TAX1BP1: variants seen among roughly 807,000 people sequenced by gnomAD.
The protein encoded by TAX1BP1 is Tax1 binding protein 1.
TAX1BP1 carries 62 observed loss-of-function variants against 97.7 expected under a neutral mutation model. The observed-to-expected ratio is 0.63, with a 90% CI of 0.52 to 0.78. TAX1BP1 has a LOEUF of 0.78. Among genes scored for constraint, TAX1BP1 ranks in the 30% least tolerant of loss-of-function variants. The probability of loss-of-function intolerance (pLI) is 0.00; values close to 1 mark genes in which losing one functional copy is unlikely to be tolerated. For synonymous variants in TAX1BP1, 340 were observed against 304.2 expected (o/e 1.12, Z -1.23); for missense variants, 867 against 916.1 (o/e 0.95, Z 0.69).
chr7:27,817,484 C>T (rs10267854), intron 15 of TAX1BP1, among the ~76,000 whole-genome samples: 120,252 of 152,114 alleles, frequency 0.79, 48,492 homozygotes, highest in African/African-American at 0.95. Context: ...GTGGACTCTT[C>T]ATTATCTTCA....
At chr7:27,827,671 G>A (rs890140631) in intron 15 of TAX1BP1, 67 bp from the exon 16 acceptor site, 1 of 1,335,844 alleles carries the variant, frequency 7.5e-7, no homozygotes, top group African/African-American at 1.5e-5. Context: ...GTATGTGCTT[G>A]ATTGAATTAA....
chr7:27,751,531 ATACTT>A (rs1439455389), intron 2 of TAX1BP1, among the ~76,000 whole-genome samples: 1 of 152,190 alleles, frequency 6.6e-6, no homozygotes, highest in Non-Finnish European at 1.5e-5. Flanking sequence ...CTTATCATTA[ATACTT>A]AATAAAGATC....
At chr7:27,770,580 A>AGG (rs1274569211) in intron 5 of TAX1BP1, among the ~76,000 whole-genome samples, 2 of 152,030 alleles carry the variant, frequency 1.3e-5, no homozygotes, top group African/African-American at 2.4e-5. Context: ...TTGTTTCCTG[A>AGG]GGGTGGGGTC....
At chr7:27,758,182 C>T (rs111803644) in intron 3 of TAX1BP1, 49 bp downstream of exon 3, 8 of 1,397,528 alleles carry the variant, frequency 5.7e-6, no homozygotes, top group African/African-American at 4.3e-5. Flanking sequence ...GTCTTATTGC[C>T]ATTAAAGATG....
intron 2 of TAX1BP1, among the ~76,000 whole-genome samples, chr7:27,756,326 A>G (rs1788213478): frequency 6.6e-6 from 1 of 152,142 alleles, no homozygotes; most frequent in South Asian, 2.1e-4. Flanking sequence ...GCCCCTCTCT[A>G]AGTAACTTAA....
At position 27,828,861 on chromosome 7, in the gene TAX1BP1, C is replaced by T; in HGVS notation, c.*32C>T. 4.5e-6 allele frequency: 5 copies of T among 1,100,386 alleles called. No homozygotes were observed. Among genetic ancestry groups the T allele is most frequent in the Non-Finnish European group, 6.3e-6 (5 of 793,772 alleles). The allele number at this position is 1,100,386 out of a possible 1,614,324, so 68.2% of individuals were successfully genotyped here. On this transcript the variant is annotated 3_prime_UTR_variant, in exon 17 of 17. Coordinates refer to ENST00000396319, the MANE Select transcript of TAX1BP1 (RefSeq NM_006024.7). ...TTTATTATGAGTTAATATAGTTTAG[C>T]AGTAAAAAAAAAAAAAAAAACCACA...
chr7:27,805,776 C>T (rs1790313408), intron 13 of TAX1BP1, among the ~76,000 whole-genome samples: 1 of 152,072 alleles, frequency 6.6e-6, no homozygotes, highest in Non-Finnish European at 1.5e-5. Flanking sequence ...GCAGAGGCTG[C>T]AGTGAGCCGA....
At chr7:27,801,777 G>A (rs1790147773) in intron 13 of TAX1BP1, among the ~76,000 whole-genome samples, 1 of 152,140 alleles carries the variant, frequency 6.6e-6, no homozygotes, top group Non-Finnish European at 1.5e-5. Context: ...TTACGTAGTT[G>A]GTAAATGTGT....
intron 8 of TAX1BP1, among the ~76,000 whole-genome samples, chr7:27,789,008 C>T (rs4722742): frequency 0.49 from 73,778 of 151,674 alleles, 17,980 homozygotes; most frequent in African/African-American, 0.5. Flanking sequence ...TCTCTCTTCT[C>T]GCAATGTGAG....
intron 2 of TAX1BP1, among the ~76,000 whole-genome samples, chr7:27,751,191 G>GA (rs990589085): frequency 9.3e-5 from 14 of 151,010 alleles, no homozygotes; most frequent in East Asian, 3.9e-4. Context: ...CAGCAAAAAA[G>GA]AAAAAAAAAT....
chr7:27,828,910 C>T lies in TAX1BP1; in HGVS notation c.*81C>T, dbSNP rs1212690255. 19 of 1,188,646 alleles carry T rather than the reference C, an allele frequency of 1.6e-5. No homozygotes were observed. The highest frequency in any genetic ancestry group is 2.1e-5 in the Non-Finnish European group (18 of 853,388). 73.6% of individuals were successfully genotyped at this position (1,188,646 alleles called of 1,614,324 possible). A position where few individuals can be genotyped will look rare whatever the true frequency, so the allele number is the denominator to read the frequency against. ...CACCTAAAATAGACCACTGAGGAGA[C>T]CATAGAGCGGATGCTTTCATGCACC... On this transcript the variant is annotated 3_prime_UTR_variant, in exon 17 of 17. Coordinates refer to ENST00000396319, the MANE Select transcript of TAX1BP1 (RefSeq NM_006024.7).
chr7:27,758,311 T>C (rs557467232), intron 3 of TAX1BP1, 178 bp downstream of exon 3: 216 of 405,210 alleles, frequency 5.3e-4, no homozygotes, highest in African/African-American at 4.2e-3. Context: ...CCACATGATA[T>C]TTTATGTAGA....
Position 27,822,360 on chromosome 7 carries a change from C to G in TAX1BP1, c.2085+5322C>G, listed in dbSNP as rs146349002. 1.8e-3 allele frequency among the ~76,000 whole-genome samples: 274 copies of G among 152,236 alleles called. 5 individuals are homozygous for G. The highest frequency in any genetic ancestry group is 6.3e-3 in the African/African-American group (261 of 41,530). On this transcript the variant is annotated intron_variant, in intron 15 of 16. Transcript: ENST00000396319. ...GGAAAGTGGAATTACTAGGTCAGTT[C>G]CACTAGCAACTGCTGTAGTGGAAAT...
intron 8 of TAX1BP1, among the ~76,000 whole-genome samples, chr7:27,791,483 A>G (rs1387707256): frequency 6.6e-6 from 1 of 152,024 alleles, no homozygotes; most frequent in Non-Finnish European, 1.5e-5. Flanking sequence ...TTTGTATATC[A>G]ATATTTTGTT....
In TAX1BP1 at chr7:27,796,096, T is replaced by C. The variant is rs1562728162; in HGVS notation, c.1535-20T>C. On this transcript the variant is annotated intron_variant, in intron 11 of 16. Coordinates refer to ENST00000396319, the MANE Select transcript of TAX1BP1 (RefSeq NM_006024.7). ...GGGGCAAAATACTTTTTAACAGTCT[T>C]ATATTCTGCCTTTCTACAGCAGAGG... 1.3e-5 allele frequency: 20 copies of C among 1,587,698 alleles called. No individual in the cohort carries two copies. Among genetic ancestry groups the C allele is most frequent in the Non-Finnish European group, 1.7e-5 (20 of 1,161,812 alleles).
Position 27,740,337 on chromosome 7 carries a change from G to A in TAX1BP1, c.-8+68G>A, listed in dbSNP as rs140811998. 3.5e-3 allele frequency: 537 copies of A among 152,848 alleles called. 7 individuals are homozygous for A. Among genetic ancestry groups the A allele is most frequent in the African/African-American group, 0.012 (508 of 41,550 alleles). The allele number at this position is 152,848 out of a possible 1,614,324, so 9.5% of individuals were successfully genotyped here. ...GGCCTCCAGCTGCATCTCTTTTAGG[G>A]CTCGTGCTACACCCTTCAGCCCCTG... On this transcript the variant is annotated intron_variant, in intron 1 of 16. Coordinates refer to ENST00000396319, the MANE Select transcript of TAX1BP1 (RefSeq NM_006024.7).
At chr7:27,760,961 C>T (rs1388597342) in intron 3 of TAX1BP1, among the ~76,000 whole-genome samples, 1 of 152,128 alleles carries the variant, frequency 6.6e-6, no homozygotes, top group Non-Finnish European at 1.5e-5. Flanking sequence ...ACAGGTGATT[C>T]TGTTATGTAG....
chr7:27,741,382 G>C (rs756453447), intron 1 of TAX1BP1, among the ~76,000 whole-genome samples: 23 of 152,188 alleles, frequency 1.5e-4, no homozygotes, highest in Non-Finnish European at 2.8e-4. Flanking sequence ...TTCCTTTCAA[G>C]GGTAAACTTG....
intron 9 of TAX1BP1, 149 bp from the exon 10 acceptor site, chr7:27,792,917 G>A (rs1789775103): frequency 3.1e-6 from 2 of 638,650 alleles, no homozygotes; most frequent in African/African-American, 3.9e-5. Flanking sequence ...AGCCATAATT[G>A]GGCCACTGTG....
Sources: gnomAD v4.1 joint callset for allele counts (sites outside exome capture counted in the v4.1 genomes callset) on GRCh38, gnomAD v4.1.1 for gene constraint, MANE v1.5 for transcripts, NCBI Gene and HGNC (gene_info 2026-07-23, HGNC 2026-07-21) for gene names.